Variants in SGCZ observed in about 807,000 individuals in gnomAD.
The protein encoded by SGCZ is zeta-sarcoglycan.
In SGCZ, 40 loss-of-function variants were observed where a neutral mutation model predicts 41.3. The observed-to-expected ratio is 0.97, with a 90% CI of 0.75 to 1.26. SGCZ has a LOEUF of 1.26. Ranked by LOEUF, SGCZ falls within the 50% of genes most tolerant of loss-of-function variation. SGCZ has a pLI of 0.00. For synonymous variants in SGCZ, 206 were observed against 137.5 expected, an observed-to-expected ratio of 1.50 and a Z score of -3.49; for missense variants, 552 against 369.8, an observed-to-expected ratio of 1.49 and a Z score of -4.04.
chr8:14,341,475 G>A (rs1020158856), intron 2 of SGCZ, among the ~76,000 whole-genome samples: 2 of 151,926 alleles, frequency 1.3e-5, no homozygotes, highest in Non-Finnish European at 2.9e-5. Flanking sequence ...CATCCTAATG[G>A]GTGTGAAGTG....
At chr8:15,207,167 A>G (rs1801094829) in intron 1 of SGCZ, among the ~76,000 whole-genome samples, 1 of 152,198 alleles carries the variant, frequency 6.6e-6, no homozygotes, top group African/African-American at 2.4e-5. Flanking sequence ...GAGATTTAAG[A>G]GCAGAAAAAG....
intron 5 of SGCZ, among the ~76,000 whole-genome samples, chr8:14,121,671 C>T (rs1220155124): frequency 2.0e-5 from 3 of 152,080 alleles, no homozygotes; most frequent in Non-Finnish European, 2.9e-5. Context: ...CAGTTCACTA[C>T]ACAGTGTGAC....
At chr8:14,362,506 A>C (rs1049060136) in intron 2 of SGCZ, among the ~76,000 whole-genome samples, 1 of 152,138 alleles carries the variant, frequency 6.6e-6, no homozygotes, top group African/African-American at 2.4e-5. Context: ...AAAGCCAGGC[A>C]CAAGAGGGAA....
chr8:14,317,206 T>C (rs1801749208), intron 3 of SGCZ, among the ~76,000 whole-genome samples: 1 of 152,062 alleles, frequency 6.6e-6, no homozygotes, highest in East Asian at 1.9e-4. Flanking sequence ...TAATTAAAAA[T>C]AATATTCCTT....
intron 1 of SGCZ, among the ~76,000 whole-genome samples, chr8:14,856,496 A>G (rs2130667988): frequency 6.6e-6 from 1 of 152,322 alleles, no homozygotes; most frequent in South Asian, 2.1e-4. Flanking sequence ...AGCTTGGCAA[A>G]GGTTTTTAAA....
intron 1 of SGCZ, among the ~76,000 whole-genome samples, chr8:15,002,667 G>A (rs964307808): frequency 2.0e-5 from 3 of 152,122 alleles, no homozygotes; most frequent in African/African-American, 4.8e-5. Flanking sequence ...TTTTTGGGGG[G>A]AAATCTTTAG....
chr8:14,187,744 G>A (rs999344613), intron 4 of SGCZ, among the ~76,000 whole-genome samples: 1 of 152,078 alleles, frequency 6.6e-6, no homozygotes, highest in Non-Finnish European at 1.5e-5. Context: ...AGGAATACCG[G>A]AGTAGAGGAA....
chr8:14,380,756 G>A (rs1179107855), intron 2 of SGCZ, among the ~76,000 whole-genome samples: 1 of 152,178 alleles, frequency 6.6e-6, no homozygotes, highest in Non-Finnish European at 1.5e-5. Context: ...CTACTTGGAA[G>A]GCCGAGGTAG....
At chr8:14,845,520 G>C (rs1440279884) in intron 1 of SGCZ, among the ~76,000 whole-genome samples, 1 of 152,138 alleles carries the variant, frequency 6.6e-6, no homozygotes, top group African/African-American at 2.4e-5. Context: ...ACAATAAGTA[G>C]AAAAGTGAAC....
chr8:15,137,299 G>A (rs1563145115), intron 1 of SGCZ, among the ~76,000 whole-genome samples: 1 of 152,186 alleles, frequency 6.6e-6, no homozygotes, highest in African/African-American at 2.4e-5. Flanking sequence ...AGGAAGCAGA[G>A]CATAAACATT....
At chr8:15,230,234 T>C (rs1451966397) in intron 1 of SGCZ, among the ~76,000 whole-genome samples, 2 of 150,300 alleles carry the variant, frequency 1.3e-5, no homozygotes, top group Non-Finnish European at 3.0e-5. Context: ...TGCAACAAGA[T>C]TAAATACTAT....
chr8:14,100,012 T>C (rs960053893), intron 7 of SGCZ, among the ~76,000 whole-genome samples: 3 of 152,158 alleles, frequency 2.0e-5, no homozygotes, highest in African/African-American at 7.2e-5. Flanking sequence ...GTTTAAAAAC[T>C]ATCTAAGGAT....
chr8:14,853,961 G>A (rs569926688), intron 1 of SGCZ, among the ~76,000 whole-genome samples: 3 of 146,286 alleles, frequency 2.1e-5, no homozygotes, highest in Admixed American at 6.9e-5. Flanking sequence ...ATCAAAGGTC[G>A]AAATTTGCCT....
At chr8:15,176,625 G>T (rs1800007872) in intron 1 of SGCZ, among the ~76,000 whole-genome samples, 1 of 152,132 alleles carries the variant, frequency 6.6e-6, no homozygotes, top group African/African-American at 2.4e-5. Flanking sequence ...TCCAATAATT[G>T]AAAATATATA....
chr8:14,818,851 G>C (rs1037006335), intron 1 of SGCZ, among the ~76,000 whole-genome samples: 1 of 151,858 alleles, frequency 6.6e-6, no homozygotes, highest in Non-Finnish European at 1.5e-5. Flanking sequence ...TTTGAAGACA[G>C]GATTTTAAAA....
chr8:14,479,252 T>C (rs1801452480), intron 2 of SGCZ, among the ~76,000 whole-genome samples: 2 of 149,064 alleles, frequency 1.3e-5, no homozygotes, highest in African/African-American at 2.5e-5. Context: ...CTGTTGTAGG[T>C]CCAAGAGTCC....
intron 1 of SGCZ, among the ~76,000 whole-genome samples, chr8:14,755,233 T>TA (rs948255066): frequency 6.2e-4 from 94 of 151,532 alleles, no homozygotes; most frequent in Admixed American, 2.4e-3. Context: ...TTGATTTTTT[T>TA]AAAAAAAAAC....
chr8:15,048,469 A>G lies in SGCZ; in HGVS notation c.39+189116T>C, dbSNP rs147257930. Among the ~76,000 whole-genome samples, 136 of 152,204 alleles carry G rather than the reference A, an allele frequency of 8.9e-4. 1 individual carries two copies. The highest frequency in any genetic ancestry group is 3.2e-3 in the African/African-American group (132 of 41,582). On this transcript the variant is annotated intron_variant, in intron 1 of 7. Coordinates refer to ENST00000382080, the MANE Select transcript of SGCZ (RefSeq NM_139167.4). ...ATTCATTGTGTACTTCAAAATAGCT[A>G]GAATAGAGGATACGGAACATCCCTA...
At chr8:14,436,697 T>G (rs900400295) in intron 2 of SGCZ, among the ~76,000 whole-genome samples, 1 of 152,220 alleles carries the variant, frequency 6.6e-6, no homozygotes, top group African/African-American at 2.4e-5. Flanking sequence ...CAGTAACAGT[T>G]ACTAATTTCA....
Sources: allele counts gnomAD v4.1 joint callset (sites outside exome capture counted in the v4.1 genomes callset), GRCh38; gene constraint gnomAD v4.1.1; transcripts MANE v1.5; gene names NCBI Gene and HGNC (gene_info 2026-07-23, HGNC 2026-07-21).